STRIP2: variants seen among roughly 807,000 people sequenced by gnomAD.
STRIP2 encodes the protein striatin-interacting protein 2.
Under a neutral mutation model 107.1 loss-of-function variants are expected in STRIP2, and 84 were observed. The ratio of observed to expected loss-of-function variants is 0.78; its 90% CI spans 0.66 to 0.94. The LOEUF (loss-of-function observed/expected upper bound fraction) is 0.94, where lower values mean the gene tolerates loss of function less well. STRIP2 is among the 40% of genes least tolerant of loss of function. The probability of loss-of-function intolerance (pLI) is 0.00; values close to 1 mark genes in which losing one functional copy is unlikely to be tolerated. For synonymous variants in STRIP2, 394 were observed against 400.4 expected (o/e 0.98, Z 0.19); for missense variants, 888 against 1,034.2 (o/e 0.86, Z 1.94).
chr7:129,459,910 G>T (rs555994814), intron 12 of STRIP2, among the ~76,000 whole-genome samples: 2 of 151,976 alleles, frequency 1.3e-5, no homozygotes, highest in Non-Finnish European at 2.9e-5. Flanking sequence ...CCAGGATTGA[G>T]TAGGAGCCTG....
At position 129,464,629 on chromosome 7, in the gene STRIP2, G is replaced by A. The variant is rs190837993; in HGVS notation, c.1667G>A (p.Ser556Asn). 179 of 1,614,064 alleles carry A rather than the reference G, an allele frequency of 1.1e-4. No individual in the cohort carries two copies. The highest frequency in any genetic ancestry group is 1.6e-4 in the Middle Eastern group (1 of 6,062). Reference protein sequence around the residue: ...PEEMPITVLQSMKLGIDVNRH... With the variant: ...PEEMPITVLQNMKLGIDVNRH... ...CATTGTAGCATCACTGTTCTCCAGAGCATGAAGCTGGGCATCGATGTGAAC... is the reference window on the plus strand; with the variant it reads ...CATTGTAGCATCACTGTTCTCCAGAACATGAAGCTGGGCATCGATGTGAAC... The change falls in exon 16 of 21, where the codon AGC becomes AAC. Residue 556 changes from serine to asparagine, a missense_variant. Physicochemically the swap from Ser to Asn is conservative, Grantham distance 46. Coordinates refer to ENST00000249344, the MANE Select transcript of STRIP2 (RefSeq NM_020704.3).
chr7:129,441,557 A>G (rs1317881885), intron 2 of STRIP2, among the ~76,000 whole-genome samples: 3 of 152,168 alleles, frequency 2.0e-5, no homozygotes, highest in African/African-American at 7.2e-5. Context: ...CTAAATCAAT[A>G]TATTTATTTT....
rs1469108855 is a variant in STRIP2 at position 129,472,775 on chromosome 7, CCTTT to C, written c.1944+2061_1944+2064del. Among the ~76,000 whole-genome samples, 161 of 68,866 alleles carry C rather than the reference CCTTT, an allele frequency of 2.3e-3. 40 individuals are homozygous for C. Among genetic ancestry groups the C allele is most frequent in the African/African-American group, 7.8e-3 (127 of 16,232 alleles). The allele number at this position is 68,866 out of a possible 152,430, so 45.2% of individuals were successfully genotyped here. ...AATATATAGAATTTTCTTTTCTTTT[CCTTT>C]TTTTTTTTTTTTTTTTTTTTTTTTT... On this transcript the variant is annotated intron_variant, in intron 18 of 20. Transcript: ENST00000249344.
Position 129,441,725 on chromosome 7 carries a change from CCCAGCTAATTTTGTGCCACCATGT to C in STRIP2, c.199+1673_199+1696del, listed in dbSNP as rs1412823581. Reference sequence around the variant, plus strand: ...ATGGTCATAGGCATGCCCTACCATGCCCAGCTAATTTTGTGCCACCATGTCCAGCTAATTTTGTGCCACCATGTC... The same window carrying C: ...ATGGTCATAGGCATGCCCTACCATGCCCAGCTAATTTTGTGCCACCATGTC... On this transcript the variant is annotated intron_variant, in intron 2 of 20. Coordinates refer to ENST00000249344, the MANE Select transcript of STRIP2 (RefSeq NM_020704.3). Among the ~76,000 whole-genome samples, 183 of 152,132 alleles carry C rather than the reference CCCAGCTAATTTTGTGCCACCATGT, an allele frequency of 1.2e-3. 1 individual carries two copies. The highest frequency in any genetic ancestry group is 2.4e-3 in the African/African-American group (99 of 41,488).
At chr7:129,475,678 G>C (rs1349093463) in intron 18 of STRIP2, among the ~76,000 whole-genome samples, 1 of 151,002 alleles carries the variant, frequency 6.6e-6, no homozygotes, top group Non-Finnish European at 1.5e-5. Flanking sequence ...AGTGAACAAA[G>C]GTCTCTGGTT....
Position 129,482,355 on chromosome 7 carries a change from CTA to C in STRIP2, c.2050-465_2050-464del, listed in dbSNP as rs201665090. On this transcript the variant is annotated intron_variant, in intron 19 of 20. Coordinates refer to ENST00000249344, the MANE Select transcript of STRIP2 (RefSeq NM_020704.3). ...TAGTTCTCTCTCTCTCTCTCTCTCT[CTA>C]TATATATATATATATATATATTTTT... is the stretch of plus-strand genomic sequence containing the variant. 7.3e-3 allele frequency among the ~76,000 whole-genome samples: 793 copies of C among 108,976 alleles called. 26 individuals carry two copies. The highest frequency in any genetic ancestry group is 0.026 in the African/African-American group (671 of 25,772). 71.5% of individuals were successfully genotyped at this position (108,976 alleles called of 152,430 possible). A position where few individuals can be genotyped will look rare whatever the true frequency, so the allele number is the denominator to read the frequency against.
chr7:129,434,598 A>C lies in STRIP2; in HGVS notation c.126A>C (p.Ser42=), dbSNP rs1460544745. ...REAFRSQRRE[S]EGSVDCPTLE... is the part of the protein sequence containing the mutation. ...CGTTCCGAAGCCAGCGGCGGGAGTC[A>C]GAGGTGAGGAGCCCGGAAAGCTTCG... The change falls in exon 1 of 21, where the codon TCA becomes TCC. Residue 42 remains serine (S), a synonymous_variant. Coordinates refer to ENST00000249344, the MANE Select transcript of STRIP2 (RefSeq NM_020704.3). The C allele has an allele frequency of 2.0e-6, 3 of 1,494,784 alleles. No homozygotes were observed. In the East Asian group the frequency reaches 8.2e-5, roughly 41 times the overall value. 92.6% of individuals were successfully genotyped at this position (1,494,784 alleles called of 1,614,324 possible). A position where few individuals can be genotyped will look rare whatever the true frequency, so the allele number is the denominator to read the frequency against.
intron 16 of STRIP2, among the ~76,000 whole-genome samples, chr7:129,465,594 C>A (rs556233754): frequency 6.6e-6 from 1 of 152,094 alleles, no homozygotes. Flanking sequence ...TTTGTCTAGG[C>A]CCTCATTTAA....
chr7:129,453,221 C>A lies in STRIP2; in HGVS notation c.410-6C>A. 3 of 1,613,946 alleles carry A rather than the reference C, an allele frequency of 1.9e-6. No homozygotes were observed. The highest frequency in any genetic ancestry group is 1.7e-6 in the Non-Finnish European group (2 of 1,179,920). ...CAACCCCTGTAACAACTGTCTGGTC[C>A]TTTAGGTACTTTTGGGGAATGTGAT... On this transcript the variant is annotated splice_region_variant and splice_polypyrimidine_tract_variant and intron_variant, in intron 4 of 20. Coordinates refer to ENST00000249344, the MANE Select transcript of STRIP2 (RefSeq NM_020704.3).
intron 1 of STRIP2, among the ~76,000 whole-genome samples, chr7:129,435,293 A>C (rs987166064): frequency 6.6e-6 from 1 of 152,222 alleles, no homozygotes; most frequent in African/African-American, 2.4e-5. Flanking sequence ...CTCCTGAAAA[A>C]AGAAACCCTA....
rs752486134 is a variant in STRIP2 at position 129,455,358 on chromosome 7, G to A, written c.821G>A (p.Trp274Ter). ...ATAAAGAAGGTCCTGCTCCTGCTCT[G>A]GAAGGTGGTCATGGTGAGTAATTCT... is the stretch of plus-strand genomic sequence containing the variant. The part of the protein sequence containing the change: ...FPIKKVLLLL[W>*]KVVMFTLGGF... Residue 274 changes from tryptophan (W) to a stop codon, truncating the protein, a stop_gained, in exon 8 of 21, where the codon TGG becomes TAG. Transcript: ENST00000249344. LOFTEE classifies it high-confidence loss of function. The A allele has an allele frequency of 5.6e-6, 9 of 1,612,998 alleles. No individual in the cohort carries two copies. Among genetic ancestry groups the A allele is most frequent in the Non-Finnish European group, 7.6e-6 (9 of 1,179,546 alleles).
chr7:129,455,384 C>G lies in STRIP2; in HGVS notation c.834+13C>G. The G allele has an allele frequency of 6.2e-7, 1 of 1,610,044 alleles. No individual in the cohort carries two copies. The highest frequency in any genetic ancestry group is 8.5e-7 in the Non-Finnish European group (1 of 1,178,444). On this transcript the variant is annotated intron_variant, in intron 8 of 20. Coordinates refer to ENST00000249344, the MANE Select transcript of STRIP2 (RefSeq NM_020704.3). ...GAAGGTGGTCATGGTGAGTAATTCT[C>G]CCCACTCCCACATTATCAGATCAGC...
chr7:129,464,027 T>C lies in STRIP2; in HGVS notation c.1552-17T>C, dbSNP rs763667128. On this transcript the variant is annotated splice_polypyrimidine_tract_variant and intron_variant, in intron 14 of 20. Coordinates refer to ENST00000249344, the MANE Select transcript of STRIP2 (RefSeq NM_020704.3). ...TGGGTTTGACAGTGGTAAATTTCTTTATTTTCTACTTCTCAGATCGCTCTG... is the reference window on the plus strand; with the variant it reads ...TGGGTTTGACAGTGGTAAATTTCTTCATTTTCTACTTCTCAGATCGCTCTG... The C allele has an allele frequency of 5.0e-5, 80 of 1,607,734 alleles. 1 individual carries two copies. In the South Asian group the frequency reaches 5.7e-4, roughly 12 times the overall value.
chr7:129,437,234 C>T (rs1797765362), intron 1 of STRIP2, among the ~76,000 whole-genome samples: 1 of 151,642 alleles, frequency 6.6e-6, no homozygotes, highest in Non-Finnish European at 1.5e-5. Flanking sequence ...GCCAGGAATT[C>T]GAGACAAGCC....
At chr7:129,470,233 G>A (rs1798759911) in intron 17 of STRIP2, among the ~76,000 whole-genome samples, 1 of 152,188 alleles carries the variant, frequency 6.6e-6, no homozygotes, top group Non-Finnish European at 1.5e-5. Flanking sequence ...GACACAGGAG[G>A]ATCATTTCAT....
intron 4 of STRIP2, among the ~76,000 whole-genome samples, chr7:129,452,587 G>A (rs7781018): frequency 0.22 from 33,583 of 152,098 alleles, 4,223 homozygotes; most frequent in Non-Finnish European, 0.28. Context: ...AAGTCTCACT[G>A]TGTTTCCCTG....
At chr7:129,456,711 G>T (rs1798366909) in intron 9 of STRIP2, 69 bp downstream of exon 9, 4 of 1,417,754 alleles carry the variant, frequency 2.8e-6, no homozygotes, top group African/African-American at 1.4e-5. Context: ...AAGTTACTCT[G>T]GGTGTGGTAG....
At position 129,440,077 on chromosome 7, in the gene STRIP2, C is replaced by A. The variant is rs141063717; in HGVS notation, c.185C>A (p.Ala62Glu). The A allele has an allele frequency of 5.1e-5, 83 of 1,614,038 alleles. No individual in the cohort carries two copies. In the African/African-American group the frequency reaches 7.3e-4, roughly 14 times the overall value. Residue 62 changes from alanine (A) to glutamate (E), a missense_variant, in exon 2 of 21, where the codon GCA becomes GAA. Ala to Glu is a moderately radical substitution (Grantham distance 107, BLOSUM62 -1). Coordinates refer to ENST00000249344, the MANE Select transcript of STRIP2 (RefSeq NM_020704.3). ...GAGTATGGAGATGCAGATGGGCATG[C>A]AGCCGAGTTGTCAGGTATGAGGTAG... is the stretch of plus-strand genomic sequence containing the variant. ...EFEYGDADGHAAELSELYSYT... is the reference protein window; with the variant it reads ...EFEYGDADGHEAELSELYSYT...
intron 9 of STRIP2, 98 bp downstream of exon 9, chr7:129,456,740 C>T (rs991129808): frequency 2.6e-6 from 3 of 1,168,112 alleles, no homozygotes; most frequent in Non-Finnish European, 3.6e-6. Context: ...AGTAAATGAC[C>T]CGGCTCATCC....
Sources: allele counts gnomAD v4.1 joint callset (sites outside exome capture counted in the v4.1 genomes callset), GRCh38; gene constraint gnomAD v4.1.1; transcripts MANE v1.5; gene names NCBI Gene and HGNC (gene_info 2026-07-23, HGNC 2026-07-21).